Variants in MSTO1 observed in about 807,000 individuals in gnomAD.
MSTO1 encodes the protein misato mitochondrial distribution and morphology regulator 1.
Under a neutral mutation model 55.7 loss-of-function variants are expected in MSTO1, and 24 were observed. That is an observed-to-expected ratio of 0.43 (90% CI 0.31 to 0.61). The LOEUF (loss-of-function observed/expected upper bound fraction) is 0.61. Ranked by LOEUF, MSTO1 falls within the 20% of genes least tolerant of loss-of-function variation. MSTO1 has a pLI of 0.09. For missense variants in MSTO1, 363 were observed against 625.7 expected, an observed-to-expected ratio of 0.58 and a Z score of 4.48; for synonymous variants, 162 against 252.8, an observed-to-expected ratio of 0.64 and a Z score of 3.41.
chr1:155,589,193 G>A, the MSTO1 span, among the ~76,000 whole-genome samples: 13 of 152,012 alleles, frequency 8.6e-5, 1 homozygote, highest in Admixed American at 7.9e-4. Context: ...AGCTACTCGG[G>A]AGGCTGAGGT....
chr1:155,609,240 TATA>T (rs1179018906), upstream of MSTO1, among the ~76,000 whole-genome samples: 1,883 of 45,732 alleles, frequency 0.041, 74 homozygotes, highest in Middle Eastern at 0.1. Context: ...TATATATATA[TATA>T]TTTTTTTTTT....
Position 155,612,076 on chromosome 1 carries a change from C to T in MSTO1, c.654C>T (p.Tyr218=), listed in dbSNP as rs770019864. 1.7e-5 allele frequency: 27 copies of T among 1,609,842 alleles called. No homozygotes were observed. Among genetic ancestry groups the T allele is most frequent in the South Asian group, 6.6e-5 (6 of 90,730 alleles). Residue 218 remains tyrosine (Y), a synonymous_variant, in exon 7 of 14, where the codon TAC becomes TAT. Transcript: ENST00000245564. ...AGCTGGAGGACAGGCTGCATTTCTA[C>T]GTGGAGGAATGTGACTACTTGCAGG... ...QEELEDRLHF[Y]VEECDYLQGF...
chr1:155,595,564 T>G, the MSTO1 span, among the ~76,000 whole-genome samples: 2 of 151,512 alleles, frequency 1.3e-5, no homozygotes, highest in East Asian at 3.9e-4. Flanking sequence ...CTCTGCTCAC[T>G]GCAACCTCCA....
At chr1:155,609,243 ATT>A (rs1185140621), upstream of MSTO1, among the ~76,000 whole-genome samples, 60 of 54,560 alleles carry the variant, frequency 1.1e-3, no homozygotes, top group African/African-American at 3.6e-3. Context: ...ATATATATAT[ATT>A]TTTTTTTTTT....
the MSTO1 span, among the ~76,000 whole-genome samples, chr1:155,587,835 T>C: frequency 6.6e-6 from 1 of 152,014 alleles, no homozygotes; most frequent in Non-Finnish European, 1.5e-5. Flanking sequence ...ATAACTAAGA[T>C]TGACTGTAAT....
At chr1:155,578,659 C>T in the MSTO1 span, among the ~76,000 whole-genome samples, 13 of 150,602 alleles carry the variant, frequency 8.6e-5, no homozygotes, top group Non-Finnish European at 1.8e-4. Flanking sequence ...TACAGGCGCC[C>T]GCCACCGCGC....
At chr1:155,597,256 G>A in the MSTO1 span, among the ~76,000 whole-genome samples, 1 of 152,174 alleles carries the variant, frequency 6.6e-6, no homozygotes, top group Non-Finnish European at 1.5e-5. Flanking sequence ...ATCACCTGAG[G>A]TCAGGAGTTG....
the MSTO1 span, chr1:155,566,167 GTCATAA>G: frequency 6.6e-6 from 1 of 152,214 alleles, no homozygotes; most frequent in Non-Finnish European, 1.5e-5. Flanking sequence ...TGGAGTGCTT[GTCATAA>G]TACCTGTAGT....
At chr1:155,589,157 G>A in the MSTO1 span, among the ~76,000 whole-genome samples, 7 of 152,070 alleles carry the variant, frequency 4.6e-5, no homozygotes, top group South Asian at 2.1e-4. Flanking sequence ...AATTAGCTGC[G>A]TGTGGTGGCA....
chr1:155,601,051 C>T, the MSTO1 span, among the ~76,000 whole-genome samples: 1 of 148,750 alleles, frequency 6.7e-6, no homozygotes, highest in Non-Finnish European at 1.5e-5. Flanking sequence ...AGCTCCTGAC[C>T]TCAGGTGATC....
chr1:155,598,790 T>C, the MSTO1 span: 2 of 1,035,620 alleles, frequency 1.9e-6, no homozygotes, highest in Non-Finnish European at 3.0e-6. Context: ...AGTCACCTTG[T>C]AGTCACGTTT....
chr1:155,604,604 G>A, the MSTO1 span, among the ~76,000 whole-genome samples: 3 of 152,198 alleles, frequency 2.0e-5, no homozygotes, highest in Non-Finnish European at 2.9e-5. Flanking sequence ...GGCAGGGCAC[G>A]GTGGCTCAGG....
At chr1:155,595,563 C>G in the MSTO1 span, among the ~76,000 whole-genome samples, 3 of 151,138 alleles carry the variant, frequency 2.0e-5, no homozygotes, top group African/African-American at 7.3e-5. Context: ...TCTCTGCTCA[C>G]TGCAACCTCC....
chr1:155,568,055 ATTTATTTTATTTTATTTTAT>A, the MSTO1 span, among the ~76,000 whole-genome samples: 1 of 143,374 alleles, frequency 7.0e-6, no homozygotes, highest in African/African-American at 2.6e-5. Flanking sequence ...AAAAAAAATT[ATTTATTTTATTTTATTTTAT>A]TTTATTTTAT....
At chr1:155,568,370 G>A in the MSTO1 span, among the ~76,000 whole-genome samples, 3 of 149,300 alleles carry the variant, frequency 2.0e-5, no homozygotes, top group African/African-American at 4.9e-5. Context: ...GAGCCACCGC[G>A]CCCAGCCAAA....
At chr1:155,608,849 A>G (rs1207867044), upstream of MSTO1, among the ~76,000 whole-genome samples, 1 of 139,186 alleles carries the variant, frequency 7.2e-6, no homozygotes, top group African/African-American at 2.7e-5. Flanking sequence ...TTTAGAGAGG[A>G]GTTTTGCTCT....
At chr1:155,607,454 C>T (rs1360573254), upstream of MSTO1, among the ~76,000 whole-genome samples, 1 of 152,100 alleles carries the variant, frequency 6.6e-6, no homozygotes, top group Non-Finnish European at 1.5e-5. Context: ...TATTACAGGT[C>T]TGAGCCACCG....
At chr1:155,567,430 G>A in the MSTO1 span, among the ~76,000 whole-genome samples, 5 of 151,056 alleles carry the variant, frequency 3.3e-5, no homozygotes, top group African/African-American at 9.8e-5. Context: ...TCCTGCCTCA[G>A]CCTCCCGAGT....
chr1:155,584,976 G>A, the MSTO1 span, among the ~76,000 whole-genome samples: 1 of 151,580 alleles, frequency 6.6e-6, no homozygotes, highest in Non-Finnish European at 1.5e-5. Flanking sequence ...ATCTAAGCTG[G>A]TCTCAAACTC....
Sources: allele counts gnomAD v4.1 joint callset (sites outside exome capture counted in the v4.1 genomes callset), GRCh38; gene constraint gnomAD v4.1.1; transcripts MANE v1.5; gene names NCBI Gene and HGNC (gene_info 2026-07-23, HGNC 2026-07-21).